The following SCN4A variants were observed in gnomAD, a reference collection of about 807,000 sequenced individuals.
SCN4A encodes the protein sodium channel protein type 4 subunit alpha.
Under a neutral mutation model 162.0 loss-of-function variants are expected in SCN4A, and 83 were observed. The observed-to-expected ratio is 0.51, with a 90% CI of 0.43 to 0.61. SCN4A has a LOEUF of 0.61. Ranked by LOEUF, SCN4A falls within the 20% of genes least tolerant of loss-of-function variation. SCN4A has a pLI of 0.00. For synonymous variants in SCN4A, 944 were observed against 985.1 expected (o/e 0.96, Z 0.78); for missense variants, 2,196 against 2,462.5 (o/e 0.89, Z 2.29).
intron 12 of SCN4A, 63 bp from the exon 13 acceptor site, chr17:63,957,581 C>T: frequency 8.7e-7 from 1 of 1,147,514 alleles, no homozygotes; most frequent in African/African-American, 1.5e-5. Flanking sequence ...GCAGCCCCAG[C>T]CTTAGGAGAA....
intron 10 of SCN4A, among the ~76,000 whole-genome samples, chr17:63,962,316 C>T (rs974349929): frequency 1.3e-5 from 2 of 152,186 alleles, no homozygotes; most frequent in Non-Finnish European, 2.9e-5. Context: ...CCGGCCCCTC[C>T]AAAGTGTCCC....
At chr17:63,960,493 G>A (rs1909212137) in intron 11 of SCN4A, among the ~76,000 whole-genome samples, 1 of 152,208 alleles carries the variant, frequency 6.6e-6, no homozygotes, top group Non-Finnish European at 1.5e-5. Flanking sequence ...TCAGGGTTGG[G>A]GAGCATCTCG....
At chr17:63,949,905 G>A (rs922676168) in intron 14 of SCN4A, among the ~76,000 whole-genome samples, 1 of 152,120 alleles carries the variant, frequency 6.6e-6, no homozygotes, top group Non-Finnish European at 1.5e-5. Context: ...AAGGGGTCAG[G>A]ATGGAGCCAG....
At chr17:63,971,347 C>G (rs2302237) in intron 4 of SCN4A, 94 bp from the exon 5 acceptor site, 2 of 748,334 alleles carry the variant, frequency 2.7e-6, no homozygotes, top group East Asian at 2.7e-5. Flanking sequence ...GATGAGGATT[C>G]CCAAGAAATT....
chr17:63,957,808 A>G (rs1909118166), intron 12 of SCN4A, among the ~76,000 whole-genome samples: 1 of 152,064 alleles, frequency 6.6e-6, no homozygotes, highest in Non-Finnish European at 1.5e-5. Context: ...GCTGGAAACC[A>G]GCTTGGCTGA....
chr17:63,943,203 CAGAGATGACAGAGAGAG>C (rs1306191601), intron 22 of SCN4A, 107 bp from the exon 23 acceptor site: 318 of 958,032 alleles, frequency 3.3e-4, no homozygotes, highest in Admixed American at 9.1e-4. Flanking sequence ...ACAGAGATGA[CAGAGATGACAGAGAGAG>C]AGAGAGAGAG....
At chr17:63,961,622 G>C in intron 10 of SCN4A, 191 bp from the exon 11 acceptor site, 1 of 379,480 alleles carries the variant, frequency 2.6e-6, no homozygotes, top group South Asian at 2.2e-5. Flanking sequence ...TGTAACCTCC[G>C]CCCCACATGG....
Position 63,949,378 on chromosome 17 carries a change from G to A in SCN4A, c.2989+15C>T, listed in dbSNP as rs1908832243. 1 of 1,561,552 alleles carries A rather than the reference G, an allele frequency of 6.4e-7. No homozygotes were observed. Among genetic ancestry groups the A allele is most frequent in the African/African-American group, 1.4e-5 (1 of 73,696 alleles). ...CCTGGGGGAGACACCCAGATGAGGT[G>A]AGGGGTGCCCTCACCCTCAGTGAAG... On this transcript the variant is annotated intron_variant, in intron 15 of 23. Transcript: ENST00000435607.
chr17:63,944,641 G>C lies in SCN4A; in HGVS notation c.3912+32C>G, dbSNP rs757504573. 6.4e-7 allele frequency: 1 copy of C among 1,573,334 alleles called. No individual in the cohort carries two copies. The highest frequency in any genetic ancestry group is 8.6e-7 in the Non-Finnish European group (1 of 1,160,570). On this transcript the variant is annotated intron_variant, in intron 21 of 23. Coordinates refer to ENST00000435607, the MANE Select transcript of SCN4A (RefSeq NM_000334.4). This position sits in a 1 kb window ranked among gnomAD's most constrained non-coding sequence, Gnocchi z 4.3. Reference sequence around the variant, plus strand: ...GGAGGCAGGAGGGAGGCCCAGCACCGGGAGGGCCCGAGGGGCTGGGCTGAT... The same window carrying C: ...GGAGGCAGGAGGGAGGCCCAGCACCCGGAGGGCCCGAGGGGCTGGGCTGAT...
rs758473649 is a variant in SCN4A at position 63,945,556 on chromosome 17, C to T, written c.3524G>A (p.Ser1175Asn). The T allele has an allele frequency of 6.2e-7, 1 of 1,613,914 alleles. No individual in the cohort carries two copies. The highest frequency in any genetic ancestry group is 1.1e-5 in the South Asian group (1 of 91,094). The change falls in exon 19 of 24, where the codon AGC becomes AAC. Residue 1175 changes from serine (S) to asparagine (N), a missense_variant. Physicochemically the swap from Ser to Asn is conservative, Grantham distance 46. Transcript: ENST00000435607. This position sits in a 1 kb window ranked among gnomAD's most constrained non-coding sequence, Gnocchi z 4.4. ...GGCAAACAGGTTGACACCCATGATG[C>T]TGAAGATCAGCCAGAAGATGAGGCA... is the stretch of plus-strand genomic sequence containing the variant. The part of the protein sequence containing the change: ...LVCLIFWLIF[S>N]IMGVNLFAGK...
chr17:63,954,403 C>A (rs1487324079), intron 13 of SCN4A, among the ~76,000 whole-genome samples: 1 of 152,114 alleles, frequency 6.6e-6, no homozygotes, highest in Non-Finnish European at 1.5e-5. Flanking sequence ...TTGCCAGAAA[C>A]ACATCTGAGA....
chr17:63,965,036 T>A (rs1433009474), intron 8 of SCN4A, among the ~76,000 whole-genome samples: 1 of 152,170 alleles, frequency 6.6e-6, no homozygotes, highest in African/African-American at 2.4e-5. Context: ...CTATTATTAT[T>A]ATTTAATCAA....
chr17:63,953,543 C>A (rs902024905), intron 13 of SCN4A, among the ~76,000 whole-genome samples: 1 of 149,538 alleles, frequency 6.7e-6, no homozygotes, highest in South Asian at 2.1e-4. Context: ...ATTAGCTGGG[C>A]GTGGTGGTGC....
chr17:63,948,164 C>CT, intron 16 of SCN4A, 101 bp from the exon 17 acceptor site: 1 of 923,832 alleles, frequency 1.1e-6, no homozygotes, highest in Non-Finnish European at 1.6e-6. Flanking sequence ...GGGGGTCTGC[C>CT]GTGGGGGCCC....
Position 63,940,776 on chromosome 17 carries a change from C to T in SCN4A, c.5506G>A (p.Val1836Ile), listed in dbSNP as rs554836244. Residue 1836 changes from valine (V) to isoleucine (I), a missense_variant, in exon 24 of 24, where the codon GTC (valine) becomes ATC (isoleucine). By Grantham distance (29) the Val-to-Ile change is conservative. Transcript: ENST00000435607. ...GGCCACCCCGATGCTGCCTGCTAGACAAGAGACTCCTTGACACCTGGGCGC... is the reference window on the plus strand; with the variant it reads ...GGCCACCCCGATGCTGCCTGCTAGATAAGAGACTCCTTGACACCTGGGCGC... ...TVRPGVKESLV is the reference protein window; with the variant it reads ...TVRPGVKESLI The T allele has an allele frequency of 8.9e-6, 14 of 1,567,598 alleles. No individual in the cohort carries two copies. The highest frequency in any genetic ancestry group is 4.5e-5 in the East Asian group (2 of 44,284).
chr17:63,969,395 C>T (rs1399588800), intron 5 of SCN4A, among the ~76,000 whole-genome samples: 1 of 152,206 alleles, frequency 6.6e-6, no homozygotes, highest in Non-Finnish European at 1.5e-5. Context: ...AATATGACTT[C>T]ATTTCCTTTT....
chr17:63,947,865 A>G, intron 17 of SCN4A, 25 bp downstream of exon 17: 1 of 1,610,356 alleles, frequency 6.2e-7, no homozygotes, highest in Non-Finnish European at 8.5e-7. Context: ...GGATGTAGCT[A>G]CGGGGCCAGC....
At position 63,955,553 on chromosome 17, in the gene SCN4A, A is replaced by G. The variant is rs532157204; in HGVS notation, c.2376+1609T>C. On this transcript the variant is annotated intron_variant, in intron 13 of 23. Transcript: ENST00000435607. ...TTAAATAACGGGCTCGAGGTTTCCC[A>G]GTCAGTGAGTGGCAAAGTGGGGATT... Among the ~76,000 whole-genome samples the G allele has an allele frequency of 2.2e-4, 33 of 152,300 alleles. 1 individual carries two copies. The highest frequency in any genetic ancestry group is 7.2e-4 in the African/African-American group (30 of 41,566).
At chr17:63,968,420 G>C in intron 5 of SCN4A, 65 bp from the exon 6 acceptor site, 4 of 1,351,676 alleles carry the variant, frequency 3.0e-6, no homozygotes, top group Non-Finnish European at 4.1e-6. Flanking sequence ...AGCCCCCGCG[G>C]CCCCCACCGC....
Sources: gnomAD v4.1 joint callset for allele counts (sites outside exome capture counted in the v4.1 genomes callset) on GRCh38, gnomAD v4.1.1 for gene constraint, Gnocchi (gnomAD v3.1) non-coding constraint, MANE v1.5 for transcripts, NCBI Gene and HGNC (gene_info 2026-07-23, HGNC 2026-07-21) for gene names.